Variants in C1QTNF3 observed in about 807,000 individuals in gnomAD.
The protein encoded by C1QTNF3 is C1q and TNF related 3, also known as complement C1q tumor necrosis factor-related protein 3.
In C1QTNF3, 26 loss-of-function variants were observed where a neutral mutation model predicts 32.6. The observed-to-expected ratio is 0.80, with a 90% CI of 0.58 to 1.11. C1QTNF3 has a LOEUF of 1.11. Ranked by LOEUF, C1QTNF3 falls within the 50% of genes least tolerant of loss-of-function variation. The pLI, the probability that C1QTNF3 is intolerant of heterozygous loss-of-function variation, is 0.00. For synonymous variants in C1QTNF3, 155 were observed against 146.0 expected (o/e 1.06, Z -0.44); for missense variants, 362 against 398.2 (o/e 0.91, Z 0.77).
the C1QTNF3 span, among the ~76,000 whole-genome samples, chr5:34,162,031 G>A: frequency 6.6e-6 from 1 of 151,916 alleles, no homozygotes. Context: ...GTTTTACCCT[G>A]GACTGATTCT....
the C1QTNF3 span, among the ~76,000 whole-genome samples, chr5:34,147,034 A>G: frequency 2.0e-5 from 3 of 152,218 alleles, no homozygotes; most frequent in Non-Finnish European, 4.4e-5. Flanking sequence ...TAGAAGACAT[A>G]CAAGTGGCCA....
the C1QTNF3 span, among the ~76,000 whole-genome samples, chr5:34,153,864 A>C: frequency 3.3e-5 from 5 of 150,020 alleles, no homozygotes; most frequent in African/African-American, 9.7e-5. Flanking sequence ...AAAAAAAAAA[A>C]AAAAAAAAAA....
At chr5:34,136,699 C>T in the C1QTNF3 span, among the ~76,000 whole-genome samples, 10 of 152,198 alleles carry the variant, frequency 6.6e-5, no homozygotes, top group Admixed American at 5.2e-4. Flanking sequence ...CACGTGCACA[C>T]ATATGTTTAT....
At chr5:34,026,195 G>A (rs963522200) in intron 4 of C1QTNF3, among the ~76,000 whole-genome samples, 3 of 152,186 alleles carry the variant, frequency 2.0e-5, no homozygotes, top group Non-Finnish European at 2.9e-5. Flanking sequence ...GCTGCCAAAT[G>A]CCCCTGAGGG....
the C1QTNF3 span, among the ~76,000 whole-genome samples, chr5:34,086,455 AAAAT>A: frequency 7.5e-6 from 1 of 134,126 alleles, no homozygotes; most frequent in Non-Finnish European, 1.6e-5. Context: ...ATTAAAAATA[AAAAT>A]AAATAAACTG....
At chr5:34,110,988 C>A in the C1QTNF3 span, among the ~76,000 whole-genome samples, 3 of 152,116 alleles carry the variant, frequency 2.0e-5, no homozygotes, top group Non-Finnish European at 4.4e-5. Flanking sequence ...GTGCTGGAAA[C>A]CTACATCCAA....
chr5:34,142,790 C>A, the C1QTNF3 span, among the ~76,000 whole-genome samples: 1 of 152,218 alleles, frequency 6.6e-6, no homozygotes, highest in African/African-American at 2.4e-5. Flanking sequence ...ACTGACCATA[C>A]TCAACTTAGT....
At chr5:34,024,431 T>C (rs1168529512) in intron 4 of C1QTNF3, 1 of 172,468 alleles carries the variant, frequency 5.8e-6, no homozygotes, top group Non-Finnish European at 1.3e-5. Flanking sequence ...GAGCAACTAT[T>C]ACAATATAAC....
chr5:34,020,733 C>T lies in C1QTNF3; in HGVS notation c.810G>A (p.Met270Ile). The T allele has an allele frequency of 6.2e-7, 1 of 1,610,856 alleles. No homozygotes were observed. Among genetic ancestry groups the T allele is most frequent in the African/African-American group, 1.3e-5 (1 of 74,970 alleles). The change falls in exon 6 of 6, where the codon ATG becomes ATA. Residue 270 changes from methionine to isoleucine, a missense_variant. Transcript: ENST00000382065. Reference sequence around the variant, plus strand: ...TGCTGGATGTATCTGATTTGCCCTTCATTTCATAGCTGGAAAGAAAAAGAG... The same window carrying T: ...TGCTGGATGTATCTGATTTGCCCTTTATTTCATAGCTGGAAAGAAAAAGAG... ...NTVFSMYSYE[M>I]KGKSDTSSNH...
At chr5:34,175,255 G>A in the C1QTNF3 span, among the ~76,000 whole-genome samples, 1 of 151,254 alleles carries the variant, frequency 6.6e-6, no homozygotes, top group Non-Finnish European at 1.5e-5. Context: ...ATGCTGAACA[G>A]GCTGGTCTCG....
chr5:34,072,570 T>C, the C1QTNF3 span, among the ~76,000 whole-genome samples: 2 of 152,156 alleles, frequency 1.3e-5, no homozygotes, highest in Non-Finnish European at 2.9e-5. Context: ...AGACATATGC[T>C]GAGAAGAAGC....
chr5:34,233,894 C>G, the C1QTNF3 span, among the ~76,000 whole-genome samples: 1 of 152,104 alleles, frequency 6.6e-6, no homozygotes, highest in African/African-American at 2.4e-5. Flanking sequence ...CAAATATTAA[C>G]TGACTATATG....
rs1754249322 is a variant in C1QTNF3 at position 34,018,523 on chromosome 5, C to T, written c.*2060G>A. On this transcript the variant is annotated 3_prime_UTR_variant, in exon 6 of 6. Transcript: ENST00000382065. ...TTGTACTTTAAATGCCATAGGAGTG[C>T]CTGGAATAGCACAGTATCTTGCATA... 6.6e-6 allele frequency among the ~76,000 whole-genome samples: 1 copy of T among 152,142 alleles called. No individual in the cohort carries two copies. Among genetic ancestry groups the T allele is most frequent in the South Asian group, 2.1e-4 (1 of 4,826 alleles).
the C1QTNF3 span, among the ~76,000 whole-genome samples, chr5:34,223,779 T>C: frequency 2.0e-5 from 3 of 152,222 alleles, no homozygotes; most frequent in Admixed American, 6.5e-5. Context: ...CTATTCAACA[T>C]AGTGTTGGAA....
the C1QTNF3 span, among the ~76,000 whole-genome samples, chr5:34,157,186 T>G: frequency 6.6e-6 from 1 of 152,158 alleles, no homozygotes; most frequent in East Asian, 1.9e-4. Context: ...CTTGTAGAAT[T>G]TACTCAGATT....
At chr5:34,028,985 G>A in intron 3 of C1QTNF3, 102 bp from the exon 4 acceptor site, 1 of 918,572 alleles carries the variant, frequency 1.1e-6, no homozygotes, top group South Asian at 1.9e-5. Context: ...CAGCAAGATT[G>A]GGAATAAACA....
chr5:34,025,420 T>C (rs915602407), intron 4 of C1QTNF3, among the ~76,000 whole-genome samples: 2 of 152,058 alleles, frequency 1.3e-5, no homozygotes, highest in Non-Finnish European at 1.5e-5. Context: ...CACCAGATGG[T>C]GAATAAATGA....
chr5:34,034,551 T>A (rs1363335032), intron 2 of C1QTNF3, among the ~76,000 whole-genome samples: 3 of 152,246 alleles, frequency 2.0e-5, no homozygotes, highest in Non-Finnish European at 4.4e-5. Context: ...TTTTTGCTGT[T>A]CATTTTGCAT....
chr5:34,024,109 T>C (rs2112098046), intron 4 of C1QTNF3, 101 bp from the exon 5 acceptor site: 11 of 806,192 alleles, frequency 1.4e-5, no homozygotes, highest in East Asian at 2.6e-5. Context: ...ATGTCTTTTA[T>C]TGATATTCTT....
Sources: gnomAD v4.1 joint callset for allele counts (sites outside exome capture counted in the v4.1 genomes callset) on GRCh38, gnomAD v4.1.1 for gene constraint, MANE v1.5 for transcripts, NCBI Gene and HGNC (gene_info 2026-07-23, HGNC 2026-07-21) for gene names.